Variants in HTR1F observed in about 807,000 individuals in gnomAD.
The protein encoded by HTR1F is 5-hydroxytryptamine receptor 1F.
Under a neutral mutation model 24.0 loss-of-function variants are expected in HTR1F, and 17 were observed. That is an observed-to-expected ratio of 0.71 (90% confidence interval 0.48 to 1.06). The LOEUF (loss-of-function observed/expected upper bound fraction) is 1.06. Ranked by LOEUF, HTR1F falls within the 50% of genes least tolerant of loss-of-function variation. The probability of loss-of-function intolerance (pLI) is 0.00; values close to 1 mark genes in which losing one functional copy is unlikely to be tolerated. For synonymous variants in HTR1F, 186 were observed against 156.8 expected, an observed-to-expected ratio of 1.19 and a Z score of -1.39; for missense variants, 391 against 427.8, an observed-to-expected ratio of 0.91 and a Z score of 0.76.
chr3:87,965,257 TTAA>T (rs1705139210), intron 2 of HTR1F, among the ~76,000 whole-genome samples: 1 of 152,196 alleles, frequency 6.6e-6, no homozygotes, highest in African/African-American at 2.4e-5. Flanking sequence ...ATTAATTCAG[TTAA>T]TAATATGAAC....
intron 2 of HTR1F, among the ~76,000 whole-genome samples, chr3:87,888,469 A>T (rs1242192252): frequency 6.6e-6 from 1 of 152,120 alleles, no homozygotes; most frequent in Non-Finnish European, 1.5e-5. Context: ...AAGTATAATA[A>T]AAAATAAAAT....
At chr3:87,890,138 G>A (rs1190061591) in intron 2 of HTR1F, among the ~76,000 whole-genome samples, 1 of 152,216 alleles carries the variant, frequency 6.6e-6, no homozygotes, top group South Asian at 2.1e-4. Context: ...TTAAAGAACC[G>A]TGTCATCCAA....
At chr3:87,895,636 C>T (rs969003112) in intron 2 of HTR1F, among the ~76,000 whole-genome samples, 17 of 152,074 alleles carry the variant, frequency 1.1e-4, no homozygotes, top group African/African-American at 4.1e-4. Flanking sequence ...AGAAAAGAAA[C>T]TGAGTTTAAG....
chr3:87,817,293 T>C (rs1395227281), intron 1 of HTR1F, among the ~76,000 whole-genome samples: 1 of 152,206 alleles, frequency 6.6e-6, no homozygotes, highest in Non-Finnish European at 1.5e-5. Flanking sequence ...ATCATTATTG[T>C]TTTCTTAGAT....
chr3:87,912,647 A>C (rs1259033053), intron 2 of HTR1F, among the ~76,000 whole-genome samples: 4 of 151,680 alleles, frequency 2.6e-5, no homozygotes, highest in East Asian at 3.9e-4. Context: ...AAAAAAAAAA[A>C]AAAAACAAAG....
intron 2 of HTR1F, among the ~76,000 whole-genome samples, chr3:87,848,133 A>G (rs1020798400): frequency 3.3e-5 from 5 of 151,860 alleles, no homozygotes; most frequent in African/African-American, 1.2e-4. Context: ...CATTCTCACT[A>G]ACAGTGTATG....
chr3:87,872,422 G>C, intron 2 of HTR1F, among the ~76,000 whole-genome samples: 1 of 151,730 alleles, frequency 6.6e-6, no homozygotes, highest in East Asian at 1.9e-4. Flanking sequence ...GTAAATAATA[G>C]AAATTAAAGC....
In HTR1F at chr3:87,954,708, T is replaced by C. The variant is rs112483478; in HGVS notation, c.-42-36000T>C. ...GCCACGAAGATAACCAATTAAAACA[T>C]TTTAAATACTGATATAAACATGTAA... On this transcript the variant is annotated intron_variant, in intron 2 of 2. Coordinates refer to ENST00000319595, the MANE Select transcript of HTR1F (RefSeq NM_001322209.2). Among the ~76,000 whole-genome samples the C allele has an allele frequency of 5.5e-3, 834 of 151,718 alleles. 9 individuals are homozygous for C. The highest frequency in any genetic ancestry group is 0.019 in the African/African-American group (786 of 41,514).
intron 2 of HTR1F, among the ~76,000 whole-genome samples, chr3:87,831,523 C>T (rs571759995): frequency 1.3e-4 from 19 of 151,922 alleles, no homozygotes; most frequent in African/African-American, 3.6e-4. Context: ...CCACCACGCC[C>T]GGCTAATTTT....
At chr3:87,860,868 T>G (rs1452882784) in intron 2 of HTR1F, among the ~76,000 whole-genome samples, 8 of 152,162 alleles carry the variant, frequency 5.3e-5, no homozygotes, top group Non-Finnish European at 8.8e-5. Flanking sequence ...TATAAAATAT[T>G]AACAACAGGC....
intron 2 of HTR1F, among the ~76,000 whole-genome samples, chr3:87,879,299 A>T (rs2107275583): frequency 6.6e-6 from 1 of 152,350 alleles, no homozygotes. Context: ...AGTATAATGC[A>T]TTTAATCATA....
intron 2 of HTR1F, among the ~76,000 whole-genome samples, chr3:87,933,868 GGC>G (rs1704346701): frequency 1.3e-5 from 2 of 152,192 alleles, no homozygotes; most frequent in Admixed American, 6.5e-5. Flanking sequence ...GAAAGTCATG[GGC>G]AGTAGCATGC....
At chr3:87,880,770 G>C (rs1648901823) in intron 2 of HTR1F, among the ~76,000 whole-genome samples, 1 of 151,830 alleles carries the variant, frequency 6.6e-6, no homozygotes, top group Admixed American at 6.6e-5. Flanking sequence ...GCAATAATAG[G>C]TAAGCTTACA....
chr3:87,900,543 A>T (rs976715682), intron 2 of HTR1F, among the ~76,000 whole-genome samples: 1 of 152,212 alleles, frequency 6.6e-6, no homozygotes, highest in African/African-American at 2.4e-5. Flanking sequence ...CTCCATCACG[A>T]AGGTGGTAAG....
chr3:87,939,674 A>ATAG (rs1313910228), intron 2 of HTR1F, among the ~76,000 whole-genome samples: 17 of 152,136 alleles, frequency 1.1e-4, no homozygotes, highest in African/African-American at 4.1e-4. Context: ...GTATTCTCGG[A>ATAG]TAGTAGTTTG....
chr3:87,970,661 C>T (rs948713268), intron 2 of HTR1F, among the ~76,000 whole-genome samples: 1 of 152,180 alleles, frequency 6.6e-6, no homozygotes. Flanking sequence ...TTCTCACTTT[C>T]TCTCAACTAA....
rs1704639265 is a variant in HTR1F at position 87,834,269 on chromosome 3, T to C, written c.-43+12145T>C. 2.0e-5 allele frequency among the ~76,000 whole-genome samples: 3 copies of C among 152,200 alleles called. No individual in the cohort carries two copies. In the South Asian group the frequency reaches 6.2e-4, roughly 31 times the overall value. On this transcript the variant is annotated intron_variant, in intron 2 of 2. Coordinates refer to ENST00000319595, the MANE Select transcript of HTR1F (RefSeq NM_001322209.2). ...CATATATGTATATATACACATAAGG[T>C]ATGCATAATACATGTATATGTGTAT...
chr3:87,858,031 C>T (rs571971608), intron 2 of HTR1F, among the ~76,000 whole-genome samples: 1 of 152,190 alleles, frequency 6.6e-6, no homozygotes, highest in South Asian at 2.1e-4. Context: ...CTCTATCGGT[C>T]CTTTGGTAAG....
At chr3:87,954,986 G>A (rs79150533) in intron 2 of HTR1F, among the ~76,000 whole-genome samples, 1 of 151,210 alleles carries the variant, frequency 6.6e-6, no homozygotes, top group Admixed American at 6.6e-5. Context: ...GTTCTGGACT[G>A]TAGCTACCCC....
Sources: allele counts gnomAD v4.1 joint callset (sites outside exome capture counted in the v4.1 genomes callset), GRCh38; gene constraint gnomAD v4.1.1; transcripts MANE v1.5; gene names NCBI Gene and HGNC (gene_info 2026-07-23, HGNC 2026-07-21).